AIG1: variants seen among roughly 807,000 people sequenced by gnomAD.
AIG1 encodes the protein androgen-induced gene 1 protein.
Under a neutral mutation model 31.4 loss-of-function variants are expected in AIG1, and 23 were observed. The ratio of observed to expected loss-of-function variants is 0.73; its 90% CI spans 0.53 to 1.04. The LOEUF (loss-of-function observed/expected upper bound fraction) is 1.04. Among genes scored for constraint, AIG1 ranks in the 50% least tolerant of loss-of-function variants. The pLI, the probability that AIG1 is intolerant of heterozygous loss-of-function variation, is 0.00. For missense variants in AIG1, 274 were observed against 295.0 expected (o/e 0.93, Z 0.52); for synonymous variants, 100 against 110.5 (o/e 0.90, Z 0.60).
intron 4 of AIG1, among the ~76,000 whole-genome samples, chr6:143,289,757 A>G (rs1482891478): frequency 2.6e-5 from 4 of 152,164 alleles, no homozygotes; most frequent in African/African-American, 9.7e-5. Context: ...CCAGAGAAAA[A>G]ATTCTCAAAC....
chr6:143,263,182 T>G (rs929343200), intron 3 of AIG1, among the ~76,000 whole-genome samples: 4 of 152,194 alleles, frequency 2.6e-5, no homozygotes, highest in Non-Finnish European at 5.9e-5. Context: ...TTTTAAATGG[T>G]TCCCTAGCAA....
intron 3 of AIG1, among the ~76,000 whole-genome samples, chr6:143,183,564 G>A (rs1215902517): frequency 6.6e-6 from 1 of 152,132 alleles, no homozygotes; most frequent in Non-Finnish European, 1.5e-5. Context: ...CCATGCTAGG[G>A]TAGAATTCAA....
At chr6:143,260,777 A>G (rs1054701405) in intron 3 of AIG1, among the ~76,000 whole-genome samples, 7 of 152,214 alleles carry the variant, frequency 4.6e-5, no homozygotes, top group Non-Finnish European at 1.0e-4. Context: ...TCACAAAGCT[A>G]GTGAGTGCAA....
Position 143,333,931 on chromosome 6 carries a change from A to G in AIG1, c.679+486A>G. The G allele has an allele frequency of 3.9e-6, 3 of 762,908 alleles. No individual in the cohort carries two copies. Among genetic ancestry groups the G allele is most frequent in the Non-Finnish European group, 6.5e-6 (3 of 458,858 alleles). 47.3% of individuals were successfully genotyped at this position (762,908 alleles called of 1,614,324 possible). On this transcript the variant is annotated intron_variant, in intron 5 of 5. Transcript: ENST00000357847. The surrounding 1 kb of genome is among the most constrained non-coding windows in gnomAD (Gnocchi z 4.6). ...TAGAGCTCTATCTAAGCAGTGTGTGATGCTCCGGCCACCTTGACTCACCAG... is the reference window on the plus strand; with the variant it reads ...TAGAGCTCTATCTAAGCAGTGTGTGGTGCTCCGGCCACCTTGACTCACCAG...
upstream of AIG1, among the ~76,000 whole-genome samples, chr6:143,060,099 T>A (rs1776104099): frequency 6.6e-6 from 1 of 152,214 alleles, no homozygotes; most frequent in African/African-American, 2.4e-5. Context: ...TATTTGAAAA[T>A]CCTTTCTTTA....
intron 3 of AIG1, among the ~76,000 whole-genome samples, chr6:143,218,608 C>G (rs1411045489): frequency 1.3e-5 from 2 of 152,064 alleles, no homozygotes; most frequent in Admixed American, 6.6e-5. Flanking sequence ...TTAAAGTATC[C>G]GGGTGGTATC....
At chr6:143,339,340 T>C (rs1028921545) in intron 5 of AIG1, 8 of 216,680 alleles carry the variant, frequency 3.7e-5, no homozygotes, top group African/African-American at 1.6e-4. Flanking sequence ...ACTCAGCAAG[T>C]CATGAATCAA....
At position 143,173,196 on chromosome 6, in the gene AIG1, C is replaced by T. The variant is rs941421497; in HGVS notation, c.399+8013C>T. Reference sequence around the variant, plus strand: ...TCAGCCTCCTGAGTAGCTAGGATTACAGGCGTGCACCACCACACCTGTCTA... The same window carrying T: ...TCAGCCTCCTGAGTAGCTAGGATTATAGGCGTGCACCACCACACCTGTCTA... On this transcript the variant is annotated intron_variant, in intron 3 of 5. Transcript: ENST00000357847. 3.3e-5 allele frequency among the ~76,000 whole-genome samples: 5 copies of T among 152,152 alleles called. No individual in the cohort carries two copies. The South Asian group carries it at 6.2e-4, about 19-fold the overall frequency.
chr6:143,165,272 G>C, intron 3 of AIG1, 89 bp downstream of exon 3: 1 of 1,010,508 alleles, frequency 9.9e-7, no homozygotes, highest in Non-Finnish European at 1.5e-6. Flanking sequence ...CATAGAATTT[G>C]CCTAAAAAGC....
rs372939647 is a variant in AIG1, at chr6:143,115,003, T to G, written c.142-21832T>G. On this transcript the variant is annotated intron_variant, in intron 1 of 5. Coordinates refer to ENST00000357847, the MANE Select transcript of AIG1 (RefSeq NM_016108.4). ...TGTTGCCTTACTTGTTTTTTATACT[T>G]TATTATACATCGTGAGCATTTTCTC... Among the ~76,000 whole-genome samples the G allele has an allele frequency of 8.5e-5, 13 of 152,322 alleles. No homozygotes were observed. In the East Asian group the frequency reaches 2.3e-3, roughly 27 times the overall value.
chr6:143,183,889 C>T (rs1788974556), intron 3 of AIG1, among the ~76,000 whole-genome samples: 1 of 152,204 alleles, frequency 6.6e-6, no homozygotes, highest in South Asian at 2.1e-4. Context: ...CTGCCACAGA[C>T]AGATCATTCA....
At chr6:143,132,321 T>A (rs1042551878) in intron 1 of AIG1, among the ~76,000 whole-genome samples, 2 of 152,172 alleles carry the variant, frequency 1.3e-5, no homozygotes, top group Non-Finnish European at 2.9e-5. Flanking sequence ...GATATTTAAT[T>A]CTCTCAGTTT....
rs1054475984 is a variant in AIG1, at chr6:143,302,664, G to A, written c.515+18439G>A. On this transcript the variant is annotated intron_variant, in intron 4 of 5. Coordinates refer to ENST00000357847, the MANE Select transcript of AIG1 (RefSeq NM_016108.4). ...GTTGGTTCCAAGTCTTTGCTATTGT[G>A]AATAGTGCCGCAATAAACATACGTG... 1.5e-4 allele frequency among the ~76,000 whole-genome samples: 23 copies of A among 152,102 alleles called. 1 individual carries two copies. The highest frequency in any genetic ancestry group is 7.3e-5 in the Non-Finnish European group (5 of 68,028).
At chr6:143,191,035 T>C (rs915475874) in intron 3 of AIG1, among the ~76,000 whole-genome samples, 1 of 152,132 alleles carries the variant, frequency 6.6e-6, no homozygotes, top group African/African-American at 2.4e-5. Flanking sequence ...GATCTTTGAA[T>C]TTGTTGGTCT....
intron 3 of AIG1, among the ~76,000 whole-genome samples, chr6:143,271,198 C>T (rs1168811843): frequency 6.6e-6 from 1 of 152,210 alleles, no homozygotes; most frequent in East Asian, 1.9e-4. Context: ...CTGAAAAATA[C>T]ATGCCAGTGC....
At chr6:143,215,792 A>T (rs56166281) in intron 3 of AIG1, among the ~76,000 whole-genome samples, 7,035 of 152,224 alleles carry the variant, frequency 0.046, 226 homozygotes, top group Middle Eastern at 0.092. Flanking sequence ...TACATAAGAG[A>T]GTAATGAATG....
At chr6:143,173,130 A>G (rs1168271956) in intron 3 of AIG1, among the ~76,000 whole-genome samples, 1 of 151,928 alleles carries the variant, frequency 6.6e-6, no homozygotes, top group Non-Finnish European at 1.5e-5. Context: ...ATCTTGGTTC[A>G]CTGCAACCTC....
At chr6:143,237,321 A>G (rs1287137540) in intron 3 of AIG1, among the ~76,000 whole-genome samples, 3 of 152,208 alleles carry the variant, frequency 2.0e-5, no homozygotes, top group Non-Finnish European at 4.4e-5. Flanking sequence ...AGTTGAGGCT[A>G]CAATTTATTC....
At chr6:143,259,710 A>G (rs996295616) in intron 3 of AIG1, among the ~76,000 whole-genome samples, 1 of 152,190 alleles carries the variant, frequency 6.6e-6, no homozygotes, top group East Asian at 1.9e-4. Flanking sequence ...GTTCACTGCT[A>G]GTGTTCCCTG....
Sources: gnomAD v4.1 joint callset for allele counts (sites outside exome capture counted in the v4.1 genomes callset) on GRCh38, gnomAD v4.1.1 for gene constraint, Gnocchi (gnomAD v3.1) non-coding constraint, MANE v1.5 for transcripts, NCBI Gene and HGNC (gene_info 2026-07-23, HGNC 2026-07-21) for gene names.